Variants in DNAJC15 observed in about 807,000 individuals in gnomAD.
DNAJC15 encodes the protein DnaJ heat shock protein family (Hsp40) member C15, also known as dnaJ homolog subfamily C member 15.
In DNAJC15, 27 loss-of-function variants were observed where a neutral mutation model predicts 22.4. The observed-to-expected ratio is 1.20, with a 90% CI of 0.89 to 1.66. DNAJC15 has a LOEUF of 1.66. Ranked by LOEUF, DNAJC15 falls within the 40% of genes most tolerant of loss-of-function variation. DNAJC15 has a pLI of 0.00. For synonymous variants in DNAJC15, 79 were observed against 63.2 expected, an observed-to-expected ratio of 1.25 and a Z score of -1.19; for missense variants, 208 against 187.1, an observed-to-expected ratio of 1.11 and a Z score of -0.65.
intron 1 of DNAJC15, among the ~76,000 whole-genome samples, chr13:43,057,636 G>A (rs1046942451): frequency 4.6e-5 from 7 of 152,116 alleles, no homozygotes; most frequent in Admixed American, 4.6e-4. Context: ...TCCATTGCTG[G>A]TGAGCTAGTG....
In DNAJC15 at chr13:43,110,680, T is replaced by C. The variant is rs2040820530; in HGVS notation, c.*3432T>C. On this transcript the variant is annotated 3_prime_UTR_variant, in exon 6 of 6. Coordinates refer to ENST00000379221, the MANE Select transcript of DNAJC15 (RefSeq NM_013238.3). ...AGGTTAAAATGTATCCCTCTTTTTC[T>C]GGTGCATCCAGCAAAAGTAATATCA... is the stretch of plus-strand genomic sequence containing the variant. 6.6e-6 allele frequency: 1 copy of C among 152,218 alleles called. No individual in the cohort carries two copies. 9.4% of individuals were successfully genotyped at this position (152,218 alleles called of 1,614,324 possible).
At chr13:43,106,968 C>T (rs2040799766) in intron 5 of DNAJC15, among the ~76,000 whole-genome samples, 1 of 151,786 alleles carries the variant, frequency 6.6e-6, no homozygotes, top group Non-Finnish European at 1.5e-5. Context: ...TCATTTTTCT[C>T]AGAGGTTTTT....
At chr13:43,070,314 T>G (rs1370154419) in intron 3 of DNAJC15, among the ~76,000 whole-genome samples, 1 of 152,224 alleles carries the variant, frequency 6.6e-6, no homozygotes, top group East Asian at 1.9e-4. Context: ...TATATTTTAT[T>G]TGGCTAAAAT....
At chr13:43,103,113 G>A (rs1031545216) in intron 5 of DNAJC15, among the ~76,000 whole-genome samples, 3 of 151,942 alleles carry the variant, frequency 2.0e-5, no homozygotes, top group African/African-American at 2.4e-5. Flanking sequence ...ATTCTCTCTC[G>A]AATGCTAATT....
chr13:43,096,949 C>G (rs1470166502), intron 5 of DNAJC15, among the ~76,000 whole-genome samples: 2 of 152,118 alleles, frequency 1.3e-5, no homozygotes, highest in African/African-American at 4.8e-5. Context: ...AGCTTAGGCC[C>G]TAGTGAGGCC....
At position 43,110,794 on chromosome 13, in the gene DNAJC15, T is replaced by C. The variant is rs534600489; in HGVS notation, c.*3546T>C. 1 of 152,318 alleles carries C rather than the reference T, an allele frequency of 6.6e-6. No homozygotes were observed. Among genetic ancestry groups the C allele is most frequent in the East Asian group, 1.9e-4 (1 of 5,188 alleles). The allele number at this position is 152,318 out of a possible 1,614,324, so 9.4% of individuals were successfully genotyped here. On this transcript the variant is annotated 3_prime_UTR_variant, in exon 6 of 6. Coordinates refer to ENST00000379221, the MANE Select transcript of DNAJC15 (RefSeq NM_013238.3). ...TACAGTTGCAGATATTCAGGAGTAA[T>C]TATCTAAATGGCAGTAGGCTTATAA...
At chr13:43,037,275 A>G (rs541670061) in intron 1 of DNAJC15, among the ~76,000 whole-genome samples, 1 of 152,366 alleles carries the variant, frequency 6.6e-6, no homozygotes, top group East Asian at 1.9e-4. Flanking sequence ...AATGTTGCAG[A>G]TAAGGTGTAC....
At chr13:43,061,512 GTT>G (rs1156368062) in intron 1 of DNAJC15, among the ~76,000 whole-genome samples, 1 of 152,228 alleles carries the variant, frequency 6.6e-6, no homozygotes, top group Non-Finnish European at 1.5e-5. Context: ...TTTGAGAAGA[GTT>G]TTTATTAAAG....
At chr13:43,097,042 C>T (rs1231715820) in intron 5 of DNAJC15, among the ~76,000 whole-genome samples, 1 of 152,150 alleles carries the variant, frequency 6.6e-6, no homozygotes, top group Non-Finnish European at 1.5e-5. Flanking sequence ...TGCTTTTCGC[C>T]ACTAAGTTTT....
chr13:43,067,377 T>C (rs1042224338), intron 2 of DNAJC15, among the ~76,000 whole-genome samples: 1 of 152,214 alleles, frequency 6.6e-6, no homozygotes, highest in Non-Finnish European at 1.5e-5. Context: ...TTAATGAATT[T>C]CTGAGGTTTT....
intron 1 of DNAJC15, among the ~76,000 whole-genome samples, chr13:43,036,655 C>CTTTCAACATGAAAGGAAACTTTCATG (rs2040430373): frequency 6.6e-6 from 1 of 152,218 alleles, no homozygotes; most frequent in Admixed American, 6.5e-5. Context: ...CTTTCAACCT[C>CTTTCAACATGAAAGGAAACTTTCATG]TTGCTGCCAC....
intron 1 of DNAJC15, among the ~76,000 whole-genome samples, chr13:43,024,222 C>T (rs1195356751): frequency 6.6e-6 from 1 of 151,852 alleles, no homozygotes; most frequent in Non-Finnish European, 1.5e-5. Flanking sequence ...GAAACAGGGC[C>T]CAGTTGGAAA....
intron 4 of DNAJC15, among the ~76,000 whole-genome samples, chr13:43,080,494 G>C (rs1254820443): frequency 6.6e-6 from 1 of 152,184 alleles, no homozygotes; most frequent in Admixed American, 6.5e-5. Flanking sequence ...TATGTTTGCT[G>C]TTGTAAATAT....
intron 1 of DNAJC15, among the ~76,000 whole-genome samples, chr13:43,051,035 C>T (rs1042454541): frequency 2.6e-5 from 4 of 152,118 alleles, no homozygotes; most frequent in Admixed American, 1.3e-4. Flanking sequence ...AGTGCAATGG[C>T]GCAATCTCAG....
intron 5 of DNAJC15, among the ~76,000 whole-genome samples, chr13:43,096,701 A>C: frequency 6.6e-6 from 1 of 152,232 alleles, no homozygotes; most frequent in East Asian, 1.9e-4. Flanking sequence ...GATTCTTCAT[A>C]GCTCCTCCCA....
intron 5 of DNAJC15, among the ~76,000 whole-genome samples, chr13:43,093,804 T>C (rs2040726611): frequency 6.6e-6 from 1 of 152,300 alleles, no homozygotes; most frequent in South Asian, 2.1e-4. Flanking sequence ...ATAATCTTTA[T>C]AAAAATATAT....
At chr13:43,031,283 A>G (rs1593308103) in intron 1 of DNAJC15, among the ~76,000 whole-genome samples, 1 of 152,350 alleles carries the variant, frequency 6.6e-6, no homozygotes, top group African/African-American at 2.4e-5. Flanking sequence ...AAAATAGGGA[A>G]AGGTAGGTTG....
chr13:43,061,350 A>C (rs943013767), intron 1 of DNAJC15, among the ~76,000 whole-genome samples: 3 of 152,208 alleles, frequency 2.0e-5, no homozygotes, highest in African/African-American at 7.2e-5. Context: ...TATCAGCATA[A>C]GCATTGTCCT....
At chr13:43,105,565 TC>T (rs1354167670) in intron 5 of DNAJC15, among the ~76,000 whole-genome samples, 2 of 152,234 alleles carry the variant, frequency 1.3e-5, no homozygotes, top group African/African-American at 4.8e-5. Flanking sequence ...GTCATTTTTT[TC>T]CTCTAACATT....
Sources: allele counts gnomAD v4.1 joint callset (sites outside exome capture counted in the v4.1 genomes callset), GRCh38; gene constraint gnomAD v4.1.1; transcripts MANE v1.5; gene names NCBI Gene and HGNC (gene_info 2026-07-23, HGNC 2026-07-21).